ACBD6: variants seen among roughly 807,000 people sequenced by gnomAD.
The protein encoded by ACBD6 is acyl-CoA-binding domain-containing protein 6.
ACBD6 carries 28 observed loss-of-function variants against 37.2 expected under a neutral mutation model. That is an observed-to-expected ratio of 0.75 (90% CI 0.56 to 1.03). The LOEUF is 1.03. Ranked by LOEUF, ACBD6 falls within the 50% of genes least tolerant of loss-of-function variation. The pLI is 0.00. For synonymous variants in ACBD6, 113 were observed against 126.8 expected (o/e 0.89, Z 0.73); for missense variants, 340 against 337.4 (o/e 1.01, Z -0.06).
intron 3 of ACBD6, among the ~76,000 whole-genome samples, chr1:180,447,824 A>G (rs1649530804): frequency 6.6e-6 from 1 of 152,162 alleles, no homozygotes. Flanking sequence ...ATAAACAGGA[A>G]AAGAAGAAAC....
At chr1:180,325,586 G>C (rs2149297222) in intron 6 of ACBD6, among the ~76,000 whole-genome samples, 1 of 147,052 alleles carries the variant, frequency 6.8e-6, no homozygotes, top group Non-Finnish European at 1.5e-5. Context: ...ATTTAGTTTG[G>C]TGAGGTTGTG....
chr1:180,455,236 C>G, intron 3 of ACBD6, among the ~76,000 whole-genome samples: 1 of 152,168 alleles, frequency 6.6e-6, no homozygotes, highest in East Asian at 1.9e-4. Flanking sequence ...ATGGATGAAG[C>G]TGGAAACCAT....
At chr1:180,388,428 T>C (rs1653930031) in intron 6 of ACBD6, among the ~76,000 whole-genome samples, 2 of 152,302 alleles carry the variant, frequency 1.3e-5, no homozygotes, top group South Asian at 4.1e-4. Flanking sequence ...ATGCACTCTT[T>C]CAGAGAATAA....
intron 11 of ACBD6, chr1:180,273,859 C>T (rs1571299272): frequency 2.7e-6 from 1 of 367,114 alleles, no homozygotes; most frequent in Non-Finnish European, 5.1e-6. Flanking sequence ...ACATCTGACC[C>T]ACCCAGCCTT....
downstream of ACBD6, chr1:180,287,525 T>A (rs1228625115): frequency 6.7e-6 from 1 of 149,582 alleles, no homozygotes; most frequent in Non-Finnish European, 1.5e-5. Context: ...CAGAAGTAAC[T>A]TCACATTAAC....
At position 180,467,870 on chromosome 1, in the gene ACBD6, T is replaced by C. The variant is rs139492338; in HGVS notation, c.384+24399A>G. ...CAGTAAAGCAAACAATGCTACATTG[T>C]AAACATGTACATAAATCTTCTAAAA... is the stretch of plus-strand genomic sequence containing the variant. On this transcript the variant is annotated intron_variant, in intron 3 of 7. Coordinates refer to ENST00000367595, the MANE Select transcript of ACBD6 (RefSeq NM_032360.4). Among the ~76,000 whole-genome samples the C allele has an allele frequency of 3.4e-4, 52 of 152,298 alleles. No individual in the cohort carries two copies. The East Asian group carries it at 9.8e-3, about 29-fold the overall frequency.
intron 3 of ACBD6, chr1:180,434,705 C>T (rs1171408214): frequency 2.2e-6 from 1 of 465,074 alleles, no homozygotes; most frequent in Non-Finnish European, 4.0e-6. Context: ...TCTTTCCAAA[C>T]CAAACCAATG....
At chr1:180,318,849 C>A (rs931331155) in intron 6 of ACBD6, among the ~76,000 whole-genome samples, 1 of 152,144 alleles carries the variant, frequency 6.6e-6, no homozygotes, top group African/African-American at 2.4e-5. Flanking sequence ...AAACTTACCA[C>A]TTTGTTTTTA....
intron 6 of ACBD6, among the ~76,000 whole-genome samples, chr1:180,339,573 G>C (rs531935345): frequency 2.2e-4 from 33 of 152,110 alleles, no homozygotes; most frequent in African/African-American, 8.0e-4. Context: ...AGGAGATATA[G>C]CTAATGTAAA....
At chr1:180,459,125 T>C (rs748593800) in intron 3 of ACBD6, among the ~76,000 whole-genome samples, 2 of 152,296 alleles carry the variant, frequency 1.3e-5, no homozygotes, top group Admixed American at 6.5e-5. Context: ...CTGAAAATGA[T>C]AGGTTCATTA....
chr1:180,460,072 C>T (rs991215343), intron 3 of ACBD6, among the ~76,000 whole-genome samples: 1 of 147,646 alleles, frequency 6.8e-6, no homozygotes, highest in African/African-American at 2.5e-5. Flanking sequence ...TGTTGGTGTG[C>T]TGCACCCATT....
At chr1:180,404,243 C>T (rs1217111461) in intron 5 of ACBD6, among the ~76,000 whole-genome samples, 5 of 151,930 alleles carry the variant, frequency 3.3e-5, no homozygotes, top group Admixed American at 6.6e-5. Flanking sequence ...AGCTACCACA[C>T]CTGGCTTGGT....
chr1:180,279,670 A>G (rs1160043313), intron 9 of ACBD6, among the ~76,000 whole-genome samples: 4 of 152,218 alleles, frequency 2.6e-5, no homozygotes, highest in East Asian at 1.9e-4. Context: ...GCAAATGTCT[A>G]TATTTACAGA....
chr1:180,426,854 C>T (rs1557865273), intron 4 of ACBD6, among the ~76,000 whole-genome samples: 3 of 152,154 alleles, frequency 2.0e-5, no homozygotes, highest in Non-Finnish European at 2.9e-5. Context: ...AAGTAACTTG[C>T]CCAAGATCAC....
chr1:180,285,128 C>T (rs1328200908), downstream of ACBD6, among the ~76,000 whole-genome samples: 3 of 152,044 alleles, frequency 2.0e-5, no homozygotes, highest in Admixed American at 6.6e-5. Context: ...AAGAGCGAGA[C>T]CCTGACTCAA....
intron 6 of ACBD6, among the ~76,000 whole-genome samples, chr1:180,368,255 T>G (rs1004247489): frequency 6.6e-6 from 1 of 152,116 alleles, no homozygotes. Flanking sequence ...AAATTTAAGT[T>G]ATTTACAGAT....
At chr1:180,440,719 C>T (rs1002709777) in intron 3 of ACBD6, among the ~76,000 whole-genome samples, 4 of 152,082 alleles carry the variant, frequency 2.6e-5, no homozygotes, top group African/African-American at 9.7e-5. Context: ...TCCCCTCTCC[C>T]CCAAAACCTT....
exon 14 of ACBD6, chr1:180,270,509 CCT>C (rs1322183047): frequency 1.3e-5 from 2 of 152,358 alleles, no homozygotes; most frequent in South Asian, 2.1e-4. Flanking sequence ...CACGCACGCG[CCT>C]CTCTCTGTAC....
intron 3 of ACBD6, among the ~76,000 whole-genome samples, chr1:180,442,701 T>C (rs1649327802): frequency 6.6e-6 from 1 of 152,218 alleles, no homozygotes; most frequent in Non-Finnish European, 1.5e-5. Context: ...ACTTGCTCCA[T>C]CTTCGAGCTT....
Sources: allele counts gnomAD v4.1 joint callset (sites outside exome capture counted in the v4.1 genomes callset), GRCh38; gene constraint gnomAD v4.1.1; transcripts MANE v1.5; gene names NCBI Gene and HGNC (gene_info 2026-07-23, HGNC 2026-07-21).